Variants in PCDH15 observed in about 807,000 individuals in gnomAD.
PCDH15 encodes the protein protocadherin related 15.
A neutral mutation model predicts 178.5 loss-of-function variants in PCDH15; 129 were observed. The ratio of observed to expected loss-of-function variants is 0.72; its 90% confidence interval spans 0.63 to 0.84. The LOEUF is 0.84. Ranked by LOEUF, PCDH15 falls within the 40% of genes least tolerant of loss-of-function variation. The pLI is 0.00. For synonymous variants in PCDH15, 800 were observed against 732.0 expected, an observed-to-expected ratio of 1.09 and a Z score of -1.50; for missense variants, 2,230 against 2,099.9, an observed-to-expected ratio of 1.06 and a Z score of -1.21.
chr10:55,189,593 C>A (rs1839888538), intron 1 of PCDH15, among the ~76,000 whole-genome samples: 1 of 151,798 alleles, frequency 6.6e-6, no homozygotes, highest in African/African-American at 2.4e-5. Context: ...CTTCTATAAG[C>A]TTTATGTTTA....
intron 13 of PCDH15, among the ~76,000 whole-genome samples, chr10:54,165,612 C>T (rs994639657): frequency 6.6e-6 from 1 of 152,100 alleles, no homozygotes; most frequent in African/African-American, 2.4e-5. Context: ...CTCTCATGCC[C>T]AACTTACACT....
At chr10:55,236,991 C>T (rs2589416) in intron 1 of PCDH15, among the ~76,000 whole-genome samples, 116,716 of 151,708 alleles carry the variant, frequency 0.77, 45,336 homozygotes, top group Non-Finnish European at 0.82. Flanking sequence ...TATTTTGCAA[C>T]AGTACTATAA....
chr10:55,597,406 A>G (rs747379239), intron 2 of PCDH15, among the ~76,000 whole-genome samples: 3 of 151,946 alleles, frequency 2.0e-5, no homozygotes, highest in Non-Finnish European at 2.9e-5. Flanking sequence ...ACCCTTGCCG[A>G]CCCCCAGAAA....
intron 2 of PCDH15, among the ~76,000 whole-genome samples, chr10:54,898,317 C>A (rs913791566): frequency 6.6e-6 from 1 of 152,032 alleles, no homozygotes; most frequent in Non-Finnish European, 1.5e-5. Context: ...ATATTTCACA[C>A]TGTAATATTT....
At chr10:55,368,909 A>AT (rs966124525) in intron 2 of PCDH15, among the ~76,000 whole-genome samples, 11 of 146,540 alleles carry the variant, frequency 7.5e-5, no homozygotes, top group Admixed American at 2.1e-4. Flanking sequence ...AAAGCAGACA[A>AT]TTTTTTTATT....
intron 2 of PCDH15, among the ~76,000 whole-genome samples, chr10:55,339,005 G>A (rs1195393584): frequency 6.6e-6 from 1 of 152,060 alleles, no homozygotes; most frequent in Non-Finnish European, 1.5e-5. Flanking sequence ...CTGGTAGAGG[G>A]GGTAAAGATA....
chr10:53,973,130 T>C (rs950096134), intron 21 of PCDH15, among the ~76,000 whole-genome samples: 1 of 152,010 alleles, frequency 6.6e-6, no homozygotes, highest in African/African-American at 2.4e-5. Context: ...GATGAGCTCA[T>C]GTCCTTTGTA....
At chr10:54,850,570 A>T (rs1444547767) in intron 3 of PCDH15, among the ~76,000 whole-genome samples, 6 of 152,092 alleles carry the variant, frequency 3.9e-5, no homozygotes, top group Non-Finnish European at 7.4e-5. Flanking sequence ...TTAGGCATAT[A>T]TTTAATATTT....
chr10:55,271,292 T>C (rs778352173), intron 1 of PCDH15, among the ~76,000 whole-genome samples: 2 of 152,060 alleles, frequency 1.3e-5, no homozygotes, highest in African/African-American at 2.4e-5. Context: ...AAAAATCTAA[T>C]TAAAAATATT....
chr10:54,270,714 A>G (rs1238278441), intron 8 of PCDH15, among the ~76,000 whole-genome samples: 1 of 152,148 alleles, frequency 6.6e-6, no homozygotes, highest in East Asian at 1.9e-4. Flanking sequence ...GGGATAATAT[A>G]AAGGATCTAG....
At chr10:54,060,623 G>C (rs1162304164) in intron 18 of PCDH15, among the ~76,000 whole-genome samples, 1 of 152,186 alleles carries the variant, frequency 6.6e-6, no homozygotes, top group Non-Finnish European at 1.5e-5. Context: ...TCCAGTCCCA[G>C]AGAAGCTAAA....
intron 14 of PCDH15, among the ~76,000 whole-genome samples, chr10:54,145,003 T>C (rs2133224201): frequency 6.6e-6 from 1 of 152,238 alleles, no homozygotes; most frequent in African/African-American, 2.4e-5. Flanking sequence ...ATAAAGGATG[T>C]TACCTTACAG....
intron 2 of PCDH15, among the ~76,000 whole-genome samples, chr10:55,497,363 T>C (rs1840557601): frequency 6.6e-6 from 1 of 151,424 alleles, no homozygotes; most frequent in African/African-American, 2.4e-5. Context: ...CTCTTGAGCA[T>C]AAGCAATCCT....
intron 3 of PCDH15, among the ~76,000 whole-genome samples, chr10:54,396,974 T>C (rs1332100019): frequency 7.4e-6 from 1 of 135,614 alleles, no homozygotes; most frequent in African/African-American, 2.8e-5. Flanking sequence ...CTTATATACT[T>C]TAAAGTAATT....
At chr10:54,217,534 G>A (rs1017188065) in intron 9 of PCDH15, among the ~76,000 whole-genome samples, 1 of 152,108 alleles carries the variant, frequency 6.6e-6, no homozygotes, top group Non-Finnish European at 1.5e-5. Flanking sequence ...GGCAGGGGAT[G>A]ATAAAGAGAT....
chr10:54,087,997 A>C (rs532616774), intron 16 of PCDH15, among the ~76,000 whole-genome samples: 1 of 152,188 alleles, frequency 6.6e-6, no homozygotes, highest in Non-Finnish European at 1.5e-5. Context: ...ATGACTTTTA[A>C]GTTTCCTGAG....
Position 54,132,914 on chromosome 10 carries a change from A to G in PCDH15, c.1878T>C (p.Ser626=), listed in dbSNP as rs1183649768. Residue 626 remains serine (S), a synonymous_variant, in exon 15 of 38, where the codon AGT becomes AGC. Coordinates refer to ENST00000644397, the MANE Select transcript of PCDH15 (RefSeq NM_001384140.1). ...AAACAGCACCAACCCTCATGGCTTC[A>G]CTAATTTCAAGGCTATACATCAGCT... ...FPQLMYSLEI[S]EAMRVGAVLL... is the part of the protein sequence containing the mutation. The G allele has an allele frequency of 5.6e-6, 9 of 1,614,026 alleles. No homozygotes were observed. The highest frequency in any genetic ancestry group is 7.6e-6 in the Non-Finnish European group (9 of 1,179,974).
At chr10:54,098,500 A>G (rs2094744460) in intron 15 of PCDH15, among the ~76,000 whole-genome samples, 1 of 152,190 alleles carries the variant, frequency 6.6e-6, no homozygotes, top group East Asian at 1.9e-4. Context: ...AGATGATTCC[A>G]TAAGTATGAA....
At chr10:54,702,193 C>T (rs565253415) in intron 1 of PCDH15, among the ~76,000 whole-genome samples, 2 of 152,108 alleles carry the variant, frequency 1.3e-5, no homozygotes, top group South Asian at 4.1e-4. Context: ...AAAAAAGCTA[C>T]TCCTGGATTA....
Sources: allele counts gnomAD v4.1 joint callset (sites outside exome capture counted in the v4.1 genomes callset), GRCh38; gene constraint gnomAD v4.1.1; transcripts MANE v1.5; gene names NCBI Gene and HGNC (gene_info 2026-07-23, HGNC 2026-07-21).